Variants in HTT observed in about 807,000 individuals in gnomAD.
The protein encoded by HTT is huntingtin.
Under a neutral mutation model 362.3 loss-of-function variants are expected in HTT, and 104 were observed. The ratio of observed to expected loss-of-function variants is 0.29; its 90% CI spans 0.24 to 0.34. HTT has a LOEUF of 0.34. Ranked by LOEUF, HTT falls within the 10% of genes least tolerant of loss-of-function variation. The pLI is 1.00. For synonymous variants in HTT, 1,577 were observed against 1,548.7 expected (o/e 1.02, Z -0.43); for missense variants, 3,301 against 3,928.6 (o/e 0.84, Z 4.27).
chr4:3,180,681 G>A lies in HTT; in HGVS notation c.4749+30G>A. 2.5e-6 allele frequency: 4 copies of A among 1,599,972 alleles called. 1 individual carries two copies. The highest frequency in any genetic ancestry group is 3.4e-6 in the Non-Finnish European group (4 of 1,172,782). ...GAGGAATGTATGTTGGAACTGTCGT[G>A]GATACTTTATTGACCCGTGCAGATG... On this transcript the variant is annotated intron_variant, in intron 36 of 66. Transcript: ENST00000355072.
chr4:3,136,156 C>T, intron 20 of HTT, 70 bp from the exon 21 acceptor site: 2 of 1,141,718 alleles, frequency 1.8e-6, no homozygotes, highest in Non-Finnish European at 2.6e-6. Flanking sequence ...CACTAGCTTT[C>T]CAAAATATCT....
At chr4:3,095,255 G>C (rs1362909698) in intron 2 of HTT, among the ~76,000 whole-genome samples, 1 of 152,236 alleles carries the variant, frequency 6.6e-6, no homozygotes, top group African/African-American at 2.4e-5. Flanking sequence ...CTGAGTGAGC[G>C]AGACTCCGTC....
intron 2 of HTT, among the ~76,000 whole-genome samples, chr4:3,090,529 T>G (rs1234230789): frequency 6.6e-6 from 1 of 152,222 alleles, no homozygotes; most frequent in Non-Finnish European, 1.5e-5. Context: ...TCCCATATAT[T>G]AGCATAAATC....
At position 3,233,313 on chromosome 4, in the gene HTT, A is replaced by G; in HGVS notation, c.8416A>G (p.Ile2806Val). 1.2e-6 allele frequency: 2 copies of G among 1,608,442 alleles called. No individual in the cohort carries two copies. Among genetic ancestry groups the G allele is most frequent in the Admixed American group, 1.7e-5 (1 of 59,958 alleles). The stretch of plus-strand genomic sequence containing the variant: ...CACTGCCAAGCAGCTCATCCCGGTC[A>G]TCAGCGACTATCTCCTCTCCAACCT... ...DDTAKQLIPV[I>V]SDYLLSNLKG... is the part of the protein sequence containing the mutation. The change falls in exon 61 of 67, where the codon ATC becomes GTC. Residue 2806 changes from isoleucine (I) to valine (V), a missense_variant. Around this residue, in one of 4 missense-constraint regions of HTT, gnomAD observed 753 missense variants for 1,021.3 expected, o/e 0.74. Transcript: ENST00000355072.
At chr4:3,224,680 A>C (rs1720827881) in intron 56 of HTT, among the ~76,000 whole-genome samples, 1 of 152,236 alleles carries the variant, frequency 6.6e-6, no homozygotes, top group African/African-American at 2.4e-5. Flanking sequence ...TTTGGGATGC[A>C]CGTTTTTCAC....
intron 40 of HTT, among the ~76,000 whole-genome samples, chr4:3,197,222 G>A (rs1286517262): frequency 6.6e-6 from 1 of 151,994 alleles, no homozygotes. Context: ...GCCTTGGTAG[G>A]TCCATCCCCT....
intron 40 of HTT, among the ~76,000 whole-genome samples, chr4:3,191,153 A>AGCTT (rs1718992236): frequency 9.0e-6 from 1 of 111,608 alleles, no homozygotes; most frequent in African/African-American, 2.8e-5. Flanking sequence ...ATACTGCTTG[A>AGCTT]GCTTTCTTTC....
chr4:3,212,681 T>A lies in HTT; in HGVS notation c.6746T>A (p.Ile2249Asn). The A allele has an allele frequency of 6.2e-7, 1 of 1,614,162 alleles. No homozygotes were observed. The highest frequency in any genetic ancestry group is 8.5e-7 in the Non-Finnish European group (1 of 1,180,036). ...LHLPPEKEKD[I>N]VKFVVATLEA... ...CTTCCTCCTGAGAAAGAGAAGGACA[T>A]TGTGAAATTCGTGGTGGCAACCCTT... The change falls in exon 49 of 67, where the codon ATT becomes AAT. Residue 2249 changes from isoleucine (I) to asparagine (N), a missense_variant. Transcript: ENST00000355072.
At chr4:3,135,536 G>A (rs1043710456) in intron 19 of HTT, among the ~76,000 whole-genome samples, 4 of 151,356 alleles carry the variant, frequency 2.6e-5, no homozygotes, top group Admixed American at 6.6e-5. Context: ...GCTTGTTCTC[G>A]GCTCCACCCA....
At chr4:3,178,968 G>C (rs571391087) in intron 35 of HTT, among the ~76,000 whole-genome samples, 55 of 152,318 alleles carry the variant, frequency 3.6e-4, no homozygotes, top group Admixed American at 5.9e-4. Flanking sequence ...TGTGGAAGGA[G>C]CTAGTGTGGT....
intron 11 of HTT, among the ~76,000 whole-genome samples, chr4:3,126,569 G>T (rs1715528753): frequency 1.3e-5 from 2 of 150,240 alleles, no homozygotes; most frequent in South Asian, 4.1e-4. Flanking sequence ...AATAAAAATA[G>T]ATTTTTTTTT....
chr4:3,217,120 C>T (rs957345050), intron 51 of HTT, among the ~76,000 whole-genome samples: 2 of 152,234 alleles, frequency 1.3e-5, no homozygotes, highest in East Asian at 3.9e-4. Context: ...AGGAAGTTGC[C>T]CAAACTGTAG....
chr4:3,219,022 T>G (rs1052155389), intron 52 of HTT, among the ~76,000 whole-genome samples: 1 of 152,130 alleles, frequency 6.6e-6, no homozygotes, highest in African/African-American at 2.4e-5. Flanking sequence ...TCCTGAGAGA[T>G]AAGGATTCTG....
chr4:3,184,573 T>C (rs1316898184), intron 37 of HTT, among the ~76,000 whole-genome samples: 1 of 151,988 alleles, frequency 6.6e-6, no homozygotes, highest in Non-Finnish European at 1.5e-5. Context: ...GGCTTAGATG[T>C]GGCATGTGAG....
At chr4:3,090,361 A>G (rs1297018293) in intron 2 of HTT, among the ~76,000 whole-genome samples, 1 of 152,190 alleles carries the variant, frequency 6.6e-6, no homozygotes, top group Admixed American at 6.5e-5. Context: ...CTTTTTCCCA[A>G]ACATACTTCT....
Position 3,132,678 on chromosome 4 carries a change from T to C in HTT, c.2353T>C (p.Phe785Leu). 1 of 1,614,180 alleles carries C rather than the reference T, an allele frequency of 6.2e-7. No individual in the cohort carries two copies. The highest frequency in any genetic ancestry group is 8.5e-7 in the Non-Finnish European group (1 of 1,180,010). ...LICSILSRSR[F>L]HVGDWMGTIR... ...CTGCTCCATCCTCAGCAGGTCCCGC[T>C]TCCACGTGGGAGATTGGATGGGCAC... The change falls in exon 17 of 67, where the codon TTC (phenylalanine) becomes CTC (leucine). Residue 785 changes from phenylalanine to leucine, a missense_variant. By Grantham distance (22) the Phe-to-Leu change is conservative (BLOSUM62 0). Around this residue, in one of 4 missense-constraint regions of HTT, gnomAD observed 2,316 missense variants for 2,658.5 expected, o/e 0.87. Transcript: ENST00000355072.
At chr4:3,171,333 T>C (rs894192961) in intron 29 of HTT, among the ~76,000 whole-genome samples, 3 of 152,168 alleles carry the variant, frequency 2.0e-5, no homozygotes. Context: ...CTAATTGGTG[T>C]TGGCTTTTAG....
rs527281139 is a variant in HTT, at chr4:3,128,636, C to T, written c.1743+1032C>T. 3.9e-5 allele frequency: 6 copies of T among 152,166 alleles called. No homozygotes were observed. The South Asian group carries it at 6.2e-4, about 16-fold the overall frequency. 9.4% of individuals were successfully genotyped at this position (152,166 alleles called of 1,614,324 possible). A position where few individuals can be genotyped will look rare whatever the true frequency, so the allele number is the denominator to read the frequency against. On this transcript the variant is annotated intron_variant, in intron 12 of 66. Coordinates refer to ENST00000355072, the MANE Select transcript of HTT (RefSeq NM_001388492.1). ...TTTTACAACATTTCCCATTTGATAG[C>T]GGCATAGGTTTAAGCACTTCTCATC... is the stretch of plus-strand genomic sequence containing the variant.
At chr4:3,184,381 A>G (rs1718662111) in intron 37 of HTT, among the ~76,000 whole-genome samples, 1 of 151,220 alleles carries the variant, frequency 6.6e-6, no homozygotes, top group African/African-American at 2.4e-5. Context: ...GAGCCTTGAG[A>G]GGGTTTGCGC....
Sources: allele counts gnomAD v4.1 joint callset (sites outside exome capture counted in the v4.1 genomes callset), GRCh38; gene constraint gnomAD v4.1.1; regional missense constraint gnomAD v4.1.1; transcripts MANE v1.5; gene names NCBI Gene and HGNC (gene_info 2026-07-23, HGNC 2026-07-21).